IFT140: variants seen among roughly 807,000 people sequenced by gnomAD.
The protein encoded by IFT140 is intraflagellar transport protein 140 homolog.
Under a neutral mutation model 164.6 loss-of-function variants are expected in IFT140, and 133 were observed. The ratio of observed to expected loss-of-function variants is 0.81; its 90% CI spans 0.70 to 0.93. The LOEUF is 0.93. Ranked by LOEUF, IFT140 falls within the 40% of genes least tolerant of loss-of-function variation. IFT140 has a pLI of 0.00. For missense variants in IFT140, 2,045 were observed against 1,972.3 expected (o/e 1.04, Z -0.70); for synonymous variants, 860 against 817.3 (o/e 1.05, Z -0.89).
chr16:1,511,737 G>A (rs2040164681), intron 30 of IFT140, among the ~76,000 whole-genome samples: 1 of 152,060 alleles, frequency 6.6e-6, no homozygotes, highest in Non-Finnish European at 1.5e-5. Flanking sequence ...TCTCAAACGA[G>A]AGGCTGAGGG....
At chr16:1,526,178 C>T (rs2040689393) in intron 20 of IFT140, 101 bp from the exon 21 acceptor site, 25 of 1,133,806 alleles carry the variant, frequency 2.2e-5, no homozygotes, top group Non-Finnish European at 2.7e-5. Context: ...CTTCCCACAC[C>T]GCCAAGCACA....
At chr16:1,513,816 G>A (rs1421167432) in intron 30 of IFT140, among the ~76,000 whole-genome samples, 1 of 149,720 alleles carries the variant, frequency 6.7e-6, no homozygotes, top group Non-Finnish European at 1.5e-5. Context: ...TGGGACTACA[G>A]GCGCCCACCA....
intron 19 of IFT140, among the ~76,000 whole-genome samples, chr16:1,540,137 C>A (rs775723004): frequency 1.3e-5 from 2 of 152,184 alleles, no homozygotes; most frequent in Admixed American, 6.5e-5. Flanking sequence ...TAGACTGAGA[C>A]GATCCCACAC....
In IFT140 at chr16:1,553,024, T is replaced by C. The variant is rs1017834892; in HGVS notation, c.2399+4911A>G. 6.8e-5 allele frequency: 67 copies of C among 985,282 alleles called. No individual in the cohort carries two copies. Among genetic ancestry groups the C allele is most frequent in the Non-Finnish European group, 8.0e-5 (66 of 829,928 alleles). The allele number at this position is 985,282 out of a possible 1,614,324, so 61.0% of individuals were successfully genotyped here. Reference sequence around the variant, plus strand: ...GTATAAGAAGCTCCATGAAGTATTATAAAGAATGAACACAGAAACCAGTCA... The same window carrying C: ...GTATAAGAAGCTCCATGAAGTATTACAAAGAATGAACACAGAAACCAGTCA... On this transcript the variant is annotated intron_variant, in intron 19 of 30. Coordinates refer to ENST00000426508, the MANE Select transcript of IFT140 (RefSeq NM_014714.4). This position sits in a 1 kb window ranked among gnomAD's most constrained non-coding sequence, Gnocchi z 4.4.
chr16:1,559,163 G>C (rs2033270285), intron 18 of IFT140, among the ~76,000 whole-genome samples: 1 of 152,186 alleles, frequency 6.6e-6, no homozygotes, highest in Non-Finnish European at 1.5e-5. Flanking sequence ...TGAAGGGTTT[G>C]GACTGCTTCT....
In IFT140 at chr16:1,520,279, C is replaced by A; in HGVS notation, c.3725G>T (p.Arg1242Met). ...AGCCATGATGTAGATTTCCTTCTGC[C>A]TGGACACGCTCGCGAAGAACGTGAT... Reference protein sequence around the residue: ...EKITFFASVSRQKEIYIMAAN... With the variant: ...EKITFFASVSMQKEIYIMAAN... The change falls in exon 28 of 31, where the codon AGG becomes ATG. Residue 1242 changes from arginine (R) to methionine (M), a missense_variant. Arg to Met is a moderately conservative substitution (Grantham distance 91). Coordinates refer to ENST00000426508, the MANE Select transcript of IFT140 (RefSeq NM_014714.4). 6.2e-7 allele frequency: 1 copy of A among 1,614,214 alleles called. No individual in the cohort carries two copies. The highest frequency in any genetic ancestry group is 8.5e-7 in the Non-Finnish European group (1 of 1,180,046).
chr16:1,541,731 T>C (rs975428198), intron 19 of IFT140, among the ~76,000 whole-genome samples: 61 of 151,910 alleles, frequency 4.0e-4, no homozygotes, highest in African/African-American at 1.5e-3. Context: ...CAGGAAGACA[T>C]GGGACCCAGG....
In IFT140 at chr16:1,580,735, T is replaced by C. The variant is rs1358074386; in HGVS notation, c.1524+24A>G. On this transcript the variant is annotated intron_variant, in intron 13 of 30. Transcript: ENST00000426508. The stretch of plus-strand genomic sequence containing the variant: ...AGGATTTCAAACTCTGCTCTGGTTT[T>C]CTTGCAGTGGAGCAGCAACTTACCT... 3 of 1,530,322 alleles carry C rather than the reference T, an allele frequency of 2.0e-6. No individual in the cohort carries two copies. The South Asian group carries it at 3.4e-5, about 17-fold the overall frequency. 94.8% of individuals were successfully genotyped at this position (1,530,322 alleles called of 1,614,324 possible).
At chr16:1,589,823 T>C (rs1184754564) in intron 6 of IFT140, 43 bp from the exon 7 acceptor site, 3 of 1,550,120 alleles carry the variant, frequency 1.9e-6, no homozygotes, top group South Asian at 2.3e-5. Flanking sequence ...GGCCCTGGTT[T>C]ATCTGCTTCC....
chr16:1,510,897 G>GA lies in IFT140; in HGVS notation c.*46dup. 2 of 1,554,378 alleles carry GA rather than the reference G, an allele frequency of 1.3e-6. No homozygotes were observed. The highest frequency in any genetic ancestry group is 1.8e-6 in the Non-Finnish European group (2 of 1,137,886). ...TGCCACAGCTGACAAAAAAATTCCA[G>GA]AAGATGCCTTTCTGCAGCAGCACGC... is the stretch of plus-strand genomic sequence containing the variant. On this transcript the variant is annotated 3_prime_UTR_variant, in exon 31 of 31. Coordinates refer to ENST00000426508, the MANE Select transcript of IFT140 (RefSeq NM_014714.4).
intron 20 of IFT140, 68 bp downstream of exon 20, chr16:1,526,551 T>C: frequency 7.1e-7 from 1 of 1,405,016 alleles, no homozygotes; most frequent in Admixed American, 2.8e-5. Flanking sequence ...GCCTCCTCCT[T>C]CCCCAGGGGG....
chr16:1,592,117 C>T lies in IFT140; in HGVS notation c.634+59G>A, dbSNP rs111318035. 1.1e-5 allele frequency: 17 copies of T among 1,581,140 alleles called. No individual in the cohort carries two copies. The African/African-American group carries it at 1.5e-4, about 14-fold the overall frequency. On this transcript the variant is annotated intron_variant, in intron 6 of 30. Transcript: ENST00000426508. ...GAAACGCCATCTGTGAGTTTAAAAT[C>T]CCTACCAGACACCCCTAAAATGCTA...
At position 1,566,216 on chromosome 16, in the gene IFT140, T is replaced by C; in HGVS notation, c.1846A>G (p.Thr616Ala). 2.5e-6 allele frequency: 4 copies of C among 1,613,924 alleles called. 1 individual carries two copies. The South Asian group carries it at 4.4e-5, about 18-fold the overall frequency. Residue 616 changes from threonine (T) to alanine (A), a missense_variant, in exon 16 of 31, where the codon ACT (threonine) becomes GCT (alanine). Coordinates refer to ENST00000426508, the MANE Select transcript of IFT140 (RefSeq NM_014714.4). ...GTCTCTCTCCGATCAATTTGTCCAG[T>C]CTTGAAGTCAAAGACGGTCACTGTG... ...MDTVTVFDFK[T>A]GQIDRRETLS... is the part of the protein sequence containing the mutation.
chr16:1,591,019 C>A (rs1378488184), intron 6 of IFT140, among the ~76,000 whole-genome samples: 3 of 152,176 alleles, frequency 2.0e-5, no homozygotes, highest in Non-Finnish European at 4.4e-5. Context: ...GTGGCAGGCT[C>A]AGTTCTAAGC....
chr16:1,544,847 A>C (rs1216739089), intron 19 of IFT140, among the ~76,000 whole-genome samples: 7 of 150,874 alleles, frequency 4.6e-5, no homozygotes, highest in Non-Finnish European at 1.0e-4. Flanking sequence ...ACGGGGTTTC[A>C]CCGTGTTAGC....
chr16:1,575,681 C>A (rs1473642277), intron 13 of IFT140, among the ~76,000 whole-genome samples: 2 of 152,182 alleles, frequency 1.3e-5, no homozygotes, highest in Non-Finnish European at 2.9e-5. Context: ...TCCCATCATG[C>A]CACTAGTGTT....
chr16:1,525,642 G>A (rs947155860), intron 21 of IFT140, among the ~76,000 whole-genome samples: 3 of 152,226 alleles, frequency 2.0e-5, no homozygotes, highest in Non-Finnish European at 4.4e-5. Flanking sequence ...CTCGGCAACT[G>A]ACACCACCAA....
intron 4 of IFT140, 64 bp downstream of exon 4, chr16:1,602,306 T>C: frequency 7.2e-7 from 1 of 1,396,804 alleles, no homozygotes; most frequent in Non-Finnish European, 1.0e-6. Context: ...TGATCTTTCA[T>C]ACTCTCGAGC....
Position 1,553,216 on chromosome 16 carries a change from CTCTGTCTCCA to C in IFT140, c.2399+4709_2399+4718del. 3 of 981,378 alleles carry C rather than the reference CTCTGTCTCCA, an allele frequency of 3.1e-6. No homozygotes were observed. Among genetic ancestry groups the C allele is most frequent in the Non-Finnish European group, 3.6e-6 (3 of 826,260 alleles). The allele number at this position is 981,378 out of a possible 1,614,324, so 60.8% of individuals were successfully genotyped here. ...TCCCTGTGTCTCTGTCTCTGTCTCT[CTCTGTCTCCA>C]TCTGTCTCTGTGTCTGTCTCTGTCT... is the stretch of plus-strand genomic sequence containing the variant. On this transcript the variant is annotated intron_variant, in intron 19 of 30. Transcript: ENST00000426508. The surrounding 1 kb of genome is among the most constrained non-coding windows in gnomAD (Gnocchi z 4.4).
Sources: gnomAD v4.1 joint callset for allele counts (sites outside exome capture counted in the v4.1 genomes callset) on GRCh38, gnomAD v4.1.1 for gene constraint, Gnocchi (gnomAD v3.1) non-coding constraint, MANE v1.5 for transcripts, NCBI Gene and HGNC (gene_info 2026-07-23, HGNC 2026-07-21) for gene names.